MYH15: variants seen among roughly 807,000 people sequenced by gnomAD.
MYH15 encodes the protein myosin heavy chain 15, also known as myosin-15.
A neutral mutation model predicts 240.5 loss-of-function variants in MYH15; 227 were observed. That is an observed-to-expected ratio of 0.94 (90% CI 0.85 to 1.05). The LOEUF (loss-of-function observed/expected upper bound fraction) is 1.05, where lower values mean the gene tolerates loss of function less well. MYH15 is among the 50% of genes least tolerant of loss of function. MYH15 has a pLI of 0.00. For synonymous variants in MYH15, 785 were observed against 796.7 expected, an observed-to-expected ratio of 0.99 and a Z score of 0.25; for missense variants, 2,217 against 2,247.5, an observed-to-expected ratio of 0.99 and a Z score of 0.27.
chr3:108,397,609 C>T (rs1210850045), intron 35 of MYH15, among the ~76,000 whole-genome samples: 1 of 152,200 alleles, frequency 6.6e-6, no homozygotes, highest in Non-Finnish European at 1.5e-5. Flanking sequence ...ACTTATCACA[C>T]AACCCATTTA....
rs1162545774 is a variant in MYH15, at chr3:108,498,139, T to G, written c.531A>C (p.Glu177Asp). Reference protein sequence around the residue: ...RENQSILFTGESGAGKTVNSK... With the variant: ...RENQSILFTGDSGAGKTVNSK... ...TGTTCACAGTCTTTCCAGCACCAGA[T>G]TCTCCTCTGTGATTTGAAATTCAGT... Residue 177 changes from glutamate to aspartate, a missense_variant, in exon 6 of 41, where the codon GAA becomes GAC. Coordinates refer to ENST00000693548, the MANE Select transcript of MYH15 (RefSeq NM_014981.3). The G allele has an allele frequency of 1.8e-5, 29 of 1,613,856 alleles. No individual in the cohort carries two copies. Among genetic ancestry groups the G allele is most frequent in the African/African-American group, 2.7e-5 (2 of 74,942 alleles).
At chr3:108,402,757 T>G (rs896181749) in intron 33 of MYH15, among the ~76,000 whole-genome samples, 1 of 152,204 alleles carries the variant, frequency 6.6e-6, no homozygotes, top group African/African-American at 2.4e-5. Context: ...CATTTCAACA[T>G]TTCCTCCAAT....
At chr3:108,439,586 AG>A in intron 24 of MYH15, 150 bp downstream of exon 24, 2 of 714,686 alleles carry the variant, frequency 2.8e-6, no homozygotes, top group Non-Finnish European at 4.3e-6. Flanking sequence ...TTTGTGTATA[AG>A]AAAAAGAACC....
chr3:108,538,295 A>T, the MYH15 span, among the ~76,000 whole-genome samples: 1 of 152,214 alleles, frequency 6.6e-6, no homozygotes, highest in East Asian at 1.9e-4. Flanking sequence ...TTGGCAAAAG[A>T]ATTTCCTACT....
At chr3:108,496,365 T>G (rs944835332) in intron 6 of MYH15, among the ~76,000 whole-genome samples, 2 of 152,216 alleles carry the variant, frequency 1.3e-5, no homozygotes, top group African/African-American at 4.8e-5. Flanking sequence ...TAGTGACTTT[T>G]AATAGTATTG....
At chr3:108,531,667 C>T (rs1057134276), upstream of MYH15, among the ~76,000 whole-genome samples, 8 of 151,928 alleles carry the variant, frequency 5.3e-5, no homozygotes, top group Non-Finnish European at 7.4e-5. Context: ...GTCCCAGCTA[C>T]TTGGGAGGCT....
At chr3:108,540,928 T>C in the MYH15 span, among the ~76,000 whole-genome samples, 1 of 152,110 alleles carries the variant, frequency 6.6e-6, no homozygotes, top group Non-Finnish European at 1.5e-5. Flanking sequence ...AAAATATGTA[T>C]ATTCATATAT....
chr3:108,506,391 T>C (rs2083475600), intron 1 of MYH15, among the ~76,000 whole-genome samples: 1 of 152,124 alleles, frequency 6.6e-6, no homozygotes, highest in Non-Finnish European at 1.5e-5. Flanking sequence ...CCGGCTCATA[T>C]TATTTCCCCC....
At chr3:108,423,514 T>C (rs2082701145) in intron 27 of MYH15, among the ~76,000 whole-genome samples, 1 of 152,222 alleles carries the variant, frequency 6.6e-6, no homozygotes, top group East Asian at 1.9e-4. Context: ...CACTCCTAAC[T>C]AGAAGAAAGC....
chr3:108,489,389 T>C (rs977552755), intron 9 of MYH15, among the ~76,000 whole-genome samples: 2 of 151,676 alleles, frequency 1.3e-5, no homozygotes, highest in Middle Eastern at 3.2e-3. Context: ...AGAAAAAAAG[T>C]CAAAAGAAAA....
At chr3:108,519,222 A>G (rs1474103369) in intron 1 of MYH15, among the ~76,000 whole-genome samples, 1 of 152,204 alleles carries the variant, frequency 6.6e-6, no homozygotes, top group East Asian at 1.9e-4. Context: ...AAAAATTTAG[A>G]TTTGTGGTTC....
At chr3:108,495,515 G>C (rs1199982215) in intron 7 of MYH15, among the ~76,000 whole-genome samples, 3 of 152,026 alleles carry the variant, frequency 2.0e-5, no homozygotes, top group Non-Finnish European at 4.4e-5. Flanking sequence ...TCTCTACTGG[G>C]AGTGGAATTT....
intron 25 of MYH15, 38 bp downstream of exon 25, chr3:108,437,516 G>A (rs74777940): frequency 1.3e-6 from 2 of 1,595,542 alleles, no homozygotes; most frequent in East Asian, 4.5e-5. Flanking sequence ...CTAATATAAG[G>A]TCTCCAGCAA....
chr3:108,442,562 G>A (rs1484672417), intron 22 of MYH15, among the ~76,000 whole-genome samples: 1 of 152,084 alleles, frequency 6.6e-6, no homozygotes, highest in Non-Finnish European at 1.5e-5. Context: ...CACCATCACT[G>A]AACAAAGAGG....
chr3:108,536,622 G>A, the MYH15 span, among the ~76,000 whole-genome samples: 1 of 152,176 alleles, frequency 6.6e-6, no homozygotes, highest in Non-Finnish European at 1.5e-5. Flanking sequence ...CTACCAAGGG[G>A]GAATGGCCCA....
chr3:108,383,853 G>A, intron 39 of MYH15, 124 bp from the exon 40 acceptor site: 4 of 725,896 alleles, frequency 5.5e-6, no homozygotes, highest in Non-Finnish European at 6.2e-6. Flanking sequence ...AGTATTGAAT[G>A]GGATATCATA....
At chr3:108,455,989 A>G in intron 19 of MYH15, 130 bp from the exon 20 acceptor site, 1 of 884,894 alleles carries the variant, frequency 1.1e-6, no homozygotes, top group South Asian at 1.7e-5. Flanking sequence ...AATTTTCACA[A>G]GATTCTTAGT....
At chr3:108,454,902 C>T (rs2083006377) in intron 20 of MYH15, among the ~76,000 whole-genome samples, 1 of 152,084 alleles carries the variant, frequency 6.6e-6, no homozygotes, top group South Asian at 2.1e-4. Context: ...TTTCACTTGC[C>T]TCAGGTCAAT....
the MYH15 span, among the ~76,000 whole-genome samples, chr3:108,545,038 G>A: frequency 6.6e-6 from 1 of 152,062 alleles, no homozygotes; most frequent in Non-Finnish European, 1.5e-5. Flanking sequence ...AAGTAACAAT[G>A]TACAACCTCA....
Sources: allele counts gnomAD v4.1 joint callset (sites outside exome capture counted in the v4.1 genomes callset), GRCh38; gene constraint gnomAD v4.1.1; transcripts MANE v1.5; gene names NCBI Gene and HGNC (gene_info 2026-07-23, HGNC 2026-07-21).